The following SGCD variants were observed in gnomAD, a reference collection of about 807,000 sequenced individuals.
SGCD encodes the protein delta-sarcoglycan.
In SGCD, 18 loss-of-function variants were observed where a neutral mutation model predicts 36.6. That is an observed-to-expected ratio of 0.49 (90% confidence interval 0.34 to 0.73). The LOEUF (loss-of-function observed/expected upper bound fraction) is 0.73. Among genes scored for constraint, SGCD ranks in the 30% least tolerant of loss-of-function variants. The pLI is 0.01. For missense variants in SGCD, 387 were observed against 346.7 expected (o/e 1.12, Z -0.92); for synonymous variants, 133 against 130.6 (o/e 1.02, Z -0.12).
intron 3 of SGCD, among the ~76,000 whole-genome samples, chr5:156,383,555 A>G (rs143024342): frequency 6.6e-6 from 1 of 152,228 alleles, no homozygotes. Flanking sequence ...TACTAGGAAT[A>G]TAGGAGTCCT....
At chr5:156,401,793 C>G (rs1772165269) in intron 3 of SGCD, among the ~76,000 whole-genome samples, 1 of 152,060 alleles carries the variant, frequency 6.6e-6, no homozygotes, top group Non-Finnish European at 1.5e-5. Flanking sequence ...TACATAAATT[C>G]ATGATTTTAA....
At chr5:156,067,735 C>T (rs1441272951) in intron 1 of SGCD, among the ~76,000 whole-genome samples, 2 of 133,366 alleles carry the variant, frequency 1.5e-5, no homozygotes, top group Non-Finnish European at 3.0e-5. Context: ...TTCTTTGACT[C>T]GGAAAGGGAA....
intron 3 of SGCD, among the ~76,000 whole-genome samples, chr5:156,444,450 G>T (rs547508866): frequency 6.6e-6 from 1 of 152,180 alleles, no homozygotes; most frequent in African/African-American, 2.4e-5. Flanking sequence ...GAGGCAGTTT[G>T]CACTTTCAAA....
chr5:156,036,250 A>G (rs140291211), intron 1 of SGCD, among the ~76,000 whole-genome samples: 1 of 152,224 alleles, frequency 6.6e-6, no homozygotes, highest in African/African-American at 2.4e-5. Flanking sequence ...GCAGGTGCCA[A>G]GCAAGGAGAA....
At chr5:156,647,789 T>C (rs1414610961) in intron 7 of SGCD, among the ~76,000 whole-genome samples, 1 of 152,188 alleles carries the variant, frequency 6.6e-6, no homozygotes, top group East Asian at 1.9e-4. Flanking sequence ...ATGTTTGTTA[T>C]GTGCTGTATT....
intron 3 of SGCD, among the ~76,000 whole-genome samples, chr5:156,254,141 A>G (rs563376360): frequency 3.3e-5 from 5 of 152,278 alleles, no homozygotes; most frequent in South Asian, 2.1e-4. Flanking sequence ...TGACTAATAC[A>G]CTGATAATAG....
At chr5:156,501,057 A>G (rs1756423805) in intron 3 of SGCD, among the ~76,000 whole-genome samples, 1 of 152,122 alleles carries the variant, frequency 6.6e-6, no homozygotes, top group Non-Finnish European at 1.5e-5. Context: ...TGGAGAAGGG[A>G]AACTTTGGCG....
At chr5:156,443,716 CT>C (rs1178904006) in intron 3 of SGCD, among the ~76,000 whole-genome samples, 2 of 151,758 alleles carry the variant, frequency 1.3e-5, no homozygotes, top group Admixed American at 6.6e-5. Context: ...GAGTCATGAA[CT>C]TCTCTGGGAT....
At chr5:155,771,719 G>A in the SGCD span, among the ~76,000 whole-genome samples, 8 of 151,812 alleles carry the variant, frequency 5.3e-5, no homozygotes, top group East Asian at 3.9e-4. Flanking sequence ...CACTGCACCC[G>A]GCCTTAATTT....
chr5:155,827,217 T>C, the SGCD span, among the ~76,000 whole-genome samples: 1 of 152,168 alleles, frequency 6.6e-6, no homozygotes, highest in Admixed American at 6.5e-5. Context: ...TAGGTGCTAG[T>C]AACAAAAGCC....
chr5:156,337,578 C>A (rs1580839782), intron 2 of SGCD, among the ~76,000 whole-genome samples: 1 of 152,288 alleles, frequency 6.6e-6, no homozygotes, highest in East Asian at 1.9e-4. Flanking sequence ...CAAGTATCAT[C>A]TTAATTGTCT....
chr5:156,145,360 C>T (rs1762686277), intron 3 of SGCD, among the ~76,000 whole-genome samples: 1 of 152,274 alleles, frequency 6.6e-6, no homozygotes, highest in South Asian at 2.1e-4. Flanking sequence ...GCTTTCTGTA[C>T]AGCCTACAGA....
intron 3 of SGCD, among the ~76,000 whole-genome samples, chr5:156,489,327 C>T (rs1225157956): frequency 6.6e-6 from 1 of 151,960 alleles, no homozygotes; most frequent in East Asian, 1.9e-4. Flanking sequence ...AGATCATTTG[C>T]ACAGAAAACA....
chr5:155,870,763 G>A (rs145653264), intron 1 of SGCD, among the ~76,000 whole-genome samples: 2 of 152,192 alleles, frequency 1.3e-5, no homozygotes, highest in African/African-American at 4.8e-5. Context: ...AGTGATTTCT[G>A]TGTAGACATG....
Position 156,676,957 on chromosome 5 carries a change from G to A in SGCD, c.575+29421G>A, listed in dbSNP as rs529703101. On this transcript the variant is annotated intron_variant, in intron 7 of 8. Coordinates refer to ENST00000337851, the MANE Select transcript of SGCD (RefSeq NM_000337.6). ...AGCCAGGGAGACCTTAAATACCTAG[G>A]CAAGGTGATCAGCATTTATTGAGCA... Among the ~76,000 whole-genome samples the A allele has an allele frequency of 1.3e-4, 20 of 152,294 alleles. No homozygotes were observed. The East Asian group carries it at 3.7e-3, about 28-fold the overall frequency.
At chr5:156,525,257 C>T (rs1029637360) in intron 4 of SGCD, among the ~76,000 whole-genome samples, 1 of 152,032 alleles carries the variant, frequency 6.6e-6, no homozygotes, top group Non-Finnish European at 1.5e-5. Context: ...TTTTTGATAA[C>T]AGCCATTCTA....
intron 1 of SGCD, among the ~76,000 whole-genome samples, chr5:155,965,449 T>C (rs143589939): frequency 8.0e-4 from 122 of 152,240 alleles, no homozygotes; most frequent in Middle Eastern, 3.4e-3. Flanking sequence ...GAGGTTCTTT[T>C]TTATGTCTCA....
chr5:155,844,389 G>A, the SGCD span, among the ~76,000 whole-genome samples: 4 of 151,518 alleles, frequency 2.6e-5, no homozygotes. Flanking sequence ...GAGGAAGTTT[G>A]TTAATTGCCG....
intron 7 of SGCD, among the ~76,000 whole-genome samples, chr5:156,668,997 G>A (rs932908463): frequency 6.6e-6 from 1 of 152,178 alleles, no homozygotes; most frequent in African/African-American, 2.4e-5. Context: ...CAGCACTCTT[G>A]AATCTCCTTC....
Sources: gnomAD v4.1 joint callset for allele counts (sites outside exome capture counted in the v4.1 genomes callset) on GRCh38, gnomAD v4.1.1 for gene constraint, MANE v1.5 for transcripts, NCBI Gene and HGNC (gene_info 2026-07-23, HGNC 2026-07-21) for gene names.